SPATC1: variants seen among roughly 807,000 people sequenced by gnomAD.
SPATC1 encodes the protein speriolin.
A neutral mutation model predicts 36.5 loss-of-function variants in SPATC1; 35 were observed. That is an observed-to-expected ratio of 0.96 (90% CI 0.73 to 1.27). The LOEUF (loss-of-function observed/expected upper bound fraction) is 1.27, where lower values mean the gene tolerates loss of function less well. Ranked by LOEUF, SPATC1 falls within the 50% of genes most tolerant of loss-of-function variation. The pLI, the probability that SPATC1 is intolerant of heterozygous loss-of-function variation, is 0.00. For missense variants in SPATC1, 779 were observed against 796.0 expected, an observed-to-expected ratio of 0.98 and a Z score of 0.26; for synonymous variants, 361 against 353.6, an observed-to-expected ratio of 1.02 and a Z score of -0.24.
intron 1 of SPATC1, among the ~76,000 whole-genome samples, chr8:144,020,479 A>G (rs1471221911): frequency 4.7e-5 from 6 of 126,614 alleles, no homozygotes; most frequent in African/African-American, 2.0e-4. Context: ...TTCCCTCAGG[A>G]CTCTCTTCTC....
At chr8:144,042,525 T>C (rs1442810877) in intron 4 of SPATC1, among the ~76,000 whole-genome samples, 1 of 151,668 alleles carries the variant, frequency 6.6e-6, no homozygotes. Flanking sequence ...TTTCTCCATG[T>C]TGGCCAGGCT....
chr8:144,037,530 C>CAT (rs1359236879), intron 1 of SPATC1, among the ~76,000 whole-genome samples: 4 of 152,158 alleles, frequency 2.6e-5, no homozygotes, highest in Non-Finnish European at 4.4e-5. Flanking sequence ...CTCTCTGAAA[C>CAT]ATGCGCTGTG....
chr8:144,046,648 C>T lies in SPATC1; in HGVS notation c.1468C>T (p.His490Tyr), dbSNP rs782654059. 1.1e-5 allele frequency: 17 copies of T among 1,610,548 alleles called. No individual in the cohort carries two copies. The Admixed American group carries it at 1.2e-4, about 11-fold the overall frequency. ...ACAGGCTTCCCTGAACCCCAGTGAC[C>T]ACAAGCTGGATGAGAAGCTGTGCCA... ...IIQASLNPSD[H>Y]KLDEKLCQRL... is the part of the protein sequence containing the mutation. The change falls in exon 5 of 5, where the codon CAC becomes TAC. Residue 490 changes from histidine (H) to tyrosine (Y), a missense_variant. Transcript: ENST00000377470. This position sits in a 1 kb window ranked among gnomAD's most constrained non-coding sequence, Gnocchi z 6.6.
intron 4 of SPATC1, 60 bp downstream of exon 4, chr8:144,041,431 G>T (rs548890927): frequency 1.3e-6 from 2 of 1,579,796 alleles, no homozygotes; most frequent in African/African-American, 1.3e-5. Flanking sequence ...GGGCCGTGGG[G>T]ACCCTGCACT....
rs1412021347 is a variant in SPATC1 at position 144,042,311 on chromosome 8, A to ATATATTTTT, written c.1446+941_1446+942insATATTTTTT. On this transcript the variant is annotated intron_variant, in intron 4 of 4. Transcript: ENST00000377470. Reference sequence around the variant, plus strand: ...TATATATATATATATATATATATATATTTTTTTTTTTTTTTTTTTTTTTTT... The same window carrying ATATATTTTT: ...TATATATATATATATATATATATATATATATTTTTTTTTTTTTTTTTTTTTTTTTTTTTT... 1.8e-3 allele frequency among the ~76,000 whole-genome samples: 43 copies of ATATATTTTT among 23,866 alleles called. 1 individual carries two copies. Among genetic ancestry groups the ATATATTTTT allele is most frequent in the Non-Finnish European group, 2.3e-3 (36 of 15,766 alleles). 15.7% of individuals were successfully genotyped at this position (23,866 alleles called of 152,430 possible).
At chr8:144,036,879 A>G (rs1834908942) in intron 1 of SPATC1, among the ~76,000 whole-genome samples, 1 of 151,956 alleles carries the variant, frequency 6.6e-6, no homozygotes, top group Non-Finnish European at 1.5e-5. Context: ...TCAGTAAAAA[A>G]ATAGCACGTC....
intron 1 of SPATC1, among the ~76,000 whole-genome samples, chr8:144,020,436 C>T (rs1834485905): frequency 6.7e-6 from 1 of 148,536 alleles, no homozygotes; most frequent in African/African-American, 2.5e-5. Flanking sequence ...TCAGAACGCT[C>T]TTCTCTCAGG....
At chr8:144,027,144 T>C (rs2133120136) in intron 1 of SPATC1, among the ~76,000 whole-genome samples, 1 of 152,094 alleles carries the variant, frequency 6.6e-6, no homozygotes, top group Admixed American at 6.6e-5. Context: ...TTTCTTAATT[T>C]CTATATAAAA....
At chr8:144,021,548 T>C (rs1834535436) in intron 1 of SPATC1, among the ~76,000 whole-genome samples, 2 of 84,328 alleles carry the variant, frequency 2.4e-5, no homozygotes, top group Admixed American at 1.1e-4. Flanking sequence ...AAAACTCTCT[T>C]CCCTCAGAAC....
chr8:144,031,246 C>T (rs1423856434), intron 1 of SPATC1, among the ~76,000 whole-genome samples: 1 of 152,096 alleles, frequency 6.6e-6, no homozygotes, highest in Non-Finnish European at 1.5e-5. Flanking sequence ...CTGGGAATGT[C>T]TTAATTCCTC....
intron 1 of SPATC1, among the ~76,000 whole-genome samples, chr8:144,014,267 A>G (rs1388896226): frequency 1.4e-5 from 2 of 147,476 alleles, no homozygotes; most frequent in Non-Finnish European, 2.9e-5. Context: ...GAAGGAAAGA[A>G]AGAAAGAAAG....
At chr8:144,037,681 GGGTCCTCTGCCT>G (rs1834941703) in intron 1 of SPATC1, among the ~76,000 whole-genome samples, 1 of 151,902 alleles carries the variant, frequency 6.6e-6, no homozygotes, top group Non-Finnish European at 1.5e-5. Context: ...GAAGGCCGCA[GGGTCCTCTGCCT>G]AGGAAAACCA....
At chr8:144,022,724 A>AGGATCCTCTCCCCTCAGGACC (rs1225432798) in intron 1 of SPATC1, among the ~76,000 whole-genome samples, 1 of 104,450 alleles carries the variant, frequency 9.6e-6, no homozygotes, top group Non-Finnish European at 2.1e-5. Context: ...CCCTGAGGAA[A>AGGATCCTCTCCCCTCAGGACC]CTCTCCCCTC....
chr8:144,028,901 G>A lies in SPATC1; in HGVS notation c.212-11008G>A, dbSNP rs1197974691. ...AAGGGATAAGATCATGTCCTTTGCAGGGACATGGATGGAGCTAGAAGCCAT... is the reference window on the plus strand; with the variant it reads ...AAGGGATAAGATCATGTCCTTTGCAAGGACATGGATGGAGCTAGAAGCCAT... On this transcript the variant is annotated intron_variant, in intron 1 of 4. Coordinates refer to ENST00000377470, the MANE Select transcript of SPATC1 (RefSeq NM_198572.3). Among the ~76,000 whole-genome samples, 15 of 152,180 alleles carry A rather than the reference G, an allele frequency of 9.9e-5. No individual in the cohort carries two copies. The South Asian group carries it at 2.7e-3, about 27-fold the overall frequency.
intron 1 of SPATC1, among the ~76,000 whole-genome samples, chr8:144,026,743 A>G (rs1834685144): frequency 6.6e-6 from 1 of 150,474 alleles, no homozygotes; most frequent in Non-Finnish European, 1.5e-5. Context: ...GGCCATTTGT[A>G]TATCTTTTGA....
In SPATC1 at chr8:144,041,213, C is replaced by G; in HGVS notation, c.1307-19C>G. On this transcript the variant is annotated intron_variant, in intron 3 of 4. Transcript: ENST00000377470. ...CCTCTCACCCTCTCACCTGGGCTGA[C>G]GAGACCCTGTGTCCCCAGAGTCGAA... 1 of 1,612,662 alleles carries G rather than the reference C, an allele frequency of 6.2e-7. No individual in the cohort carries two copies. Among genetic ancestry groups the G allele is most frequent in the Non-Finnish European group, 8.5e-7 (1 of 1,179,734 alleles).
intron 1 of SPATC1, among the ~76,000 whole-genome samples, chr8:144,019,041 CAAA>C (rs1212175839): frequency 6.2e-4 from 35 of 56,370 alleles, no homozygotes; most frequent in African/African-American, 1.7e-3. Flanking sequence ...GACTCCGTCT[CAAA>C]AAAAAAAAAA....
intron 1 of SPATC1, among the ~76,000 whole-genome samples, chr8:144,021,321 TGC>T (rs1834529828): frequency 8.5e-6 from 1 of 117,272 alleles, no homozygotes; most frequent in Admixed American, 8.3e-5. Context: ...CATGACCCTC[TGC>T]CCTCATGACC....
Position 144,031,818 on chromosome 8 carries a change from A to C in SPATC1, c.212-8091A>C, listed in dbSNP as rs1054187185. On this transcript the variant is annotated intron_variant, in intron 1 of 4. Transcript: ENST00000377470. ...ACTGCAGCCTCCACCTCCCAGGCTC[A>C]AGCAATTCTCCCACCTCAGCTTCCT... Among the ~76,000 whole-genome samples, 414 of 149,068 alleles carry C rather than the reference A, an allele frequency of 2.8e-3. 14 individuals are homozygous for C. The East Asian group carries it at 0.066, about 24-fold the overall frequency.
Sources: allele counts gnomAD v4.1 joint callset (sites outside exome capture counted in the v4.1 genomes callset), GRCh38; gene constraint gnomAD v4.1.1; non-coding constraint Gnocchi (gnomAD v3.1); transcripts MANE v1.5; gene names NCBI Gene and HGNC (gene_info 2026-07-23, HGNC 2026-07-21).